DDX1: variants seen among roughly 807,000 people sequenced by gnomAD.
DDX1 encodes DEAD-box helicase 1.
DDX1 carries 28 observed loss-of-function variants against 108.7 expected under a neutral mutation model. The observed-to-expected ratio is 0.26, with a 90% CI of 0.19 to 0.35. The LOEUF is 0.35. Among genes scored for constraint, DDX1 ranks in the 10% least tolerant of loss-of-function variants. DDX1 has a pLI of 1.00. For missense variants in DDX1, 710 were observed against 884.5 expected (o/e 0.80, Z 2.50); for synonymous variants, 295 against 288.9 (o/e 1.02, Z -0.21).
intron 19 of DDX1, among the ~76,000 whole-genome samples, chr2:15,625,803 A>G (rs1420659468): frequency 6.6e-6 from 1 of 152,146 alleles, no homozygotes; most frequent in African/African-American, 2.4e-5. Flanking sequence ...TCAAGGAAAT[A>G]GAAAACTCAA....
At position 15,602,534 on chromosome 2, in the gene DDX1, C is replaced by A; in HGVS notation, c.308-14C>A. 1 of 1,607,582 alleles carries A rather than the reference C, an allele frequency of 6.2e-7. No individual in the cohort carries two copies. Among genetic ancestry groups the A allele is most frequent in the Non-Finnish European group, 8.5e-7 (1 of 1,174,204 alleles). On this transcript the variant is annotated splice_polypyrimidine_tract_variant and intron_variant, in intron 6 of 25. Transcript: ENST00000233084. ...GTACTGACGTGTTTTTCTGTGTTTTCTTCTCAAATCCAGCAATTGGGTCAG... is the reference window on the plus strand; with the variant it reads ...GTACTGACGTGTTTTTCTGTGTTTTATTCTCAAATCCAGCAATTGGGTCAG...
intron 3 of DDX1, among the ~76,000 whole-genome samples, chr2:15,595,837 T>C (rs1377574610): frequency 6.6e-6 from 1 of 152,178 alleles, no homozygotes; most frequent in African/African-American, 2.4e-5. Context: ...CCAGTTGTCC[T>C]TTTGCTTGAA....
intron 13 of DDX1, among the ~76,000 whole-genome samples, chr2:15,611,939 ACGAGGCGGC>A (rs1665773231): frequency 2.9e-5 from 3 of 102,242 alleles, no homozygotes; most frequent in East Asian, 3.5e-4. Flanking sequence ...TTCCTCCCGG[ACGAGGCGGC>A]TGGCCGGGCG....
chr2:15,594,095 G>GA (rs1382756053), intron 1 of DDX1, among the ~76,000 whole-genome samples: 4 of 150,810 alleles, frequency 2.7e-5, no homozygotes, highest in South Asian at 2.1e-4. Context: ...CAAAAGAAAA[G>GA]AAAAAAAAGA....
At chr2:15,606,323 C>T (rs1184813163) in intron 12 of DDX1, 59 bp downstream of exon 12, 4 of 1,267,190 alleles carry the variant, frequency 3.2e-6, no homozygotes, top group Non-Finnish European at 4.5e-6. Context: ...ATGAGAACTC[C>T]AGTAAGTAAG....
At position 15,602,595 on chromosome 2, in the gene DDX1, T is replaced by C; in HGVS notation, c.355T>C (p.Trp119Arg). The C allele has an allele frequency of 6.2e-7, 1 of 1,613,740 alleles. No individual in the cohort carries two copies. Among genetic ancestry groups the C allele is most frequent in the South Asian group, 1.1e-5 (1 of 91,074 alleles). The change falls in exon 7 of 26, where the codon TGG becomes CGG. Residue 119 changes from tryptophan (W) to arginine (R), a missense_variant. Coordinates refer to ENST00000233084, the MANE Select transcript of DDX1 (RefSeq NM_004939.3). ...TTGTCAAAGCAGAGAAGTAAAGGAA[T>C]GGCATGGGTGTAGAGCTACTAAAGG... ...LCCQSREVKE[W>R]HGCRATKGLM... is the part of the protein sequence containing the mutation.
intron 5 of DDX1, among the ~76,000 whole-genome samples, chr2:15,598,822 C>G (rs1308465530): frequency 6.6e-6 from 1 of 152,090 alleles, no homozygotes; most frequent in Non-Finnish European, 1.5e-5. Context: ...ATACATACAT[C>G]TTAACAAACT....
chr2:15,619,360 G>A (rs1052772431), intron 16 of DDX1, among the ~76,000 whole-genome samples: 25 of 152,186 alleles, frequency 1.6e-4, no homozygotes, highest in African/African-American at 6.0e-4. Flanking sequence ...GGAGACTCTG[G>A]GCCTGGGAGC....
intron 18 of DDX1, 33 bp from the exon 19 acceptor site, chr2:15,623,401 TTC>T (rs1458828750): frequency 1.2e-6 from 2 of 1,607,216 alleles, no homozygotes; most frequent in Admixed American, 1.7e-5. Flanking sequence ...CAGATTGAAA[TTC>T]TGTTGGTTTT....
At chr2:15,592,033 C>A (rs1665421595) in intron 1 of DDX1, 84 bp downstream of exon 1, 6 of 1,237,284 alleles carry the variant, frequency 4.8e-6, no homozygotes, top group Non-Finnish European at 6.4e-6. Context: ...GCTAAAGGGG[C>A]GGGAGCGGAC....
At chr2:15,615,215 A>G (rs1302363805) in intron 14 of DDX1, among the ~76,000 whole-genome samples, 5 of 152,168 alleles carry the variant, frequency 3.3e-5, no homozygotes, top group Admixed American at 3.3e-4. Flanking sequence ...TTAGTTTTCT[A>G]ATCTTTTAGT....
At chr2:15,612,814 G>T (rs555996010) in intron 13 of DDX1, among the ~76,000 whole-genome samples, 353 of 152,306 alleles carry the variant, frequency 2.3e-3, no homozygotes, top group Middle Eastern at 6.8e-3. Context: ...AGACCAGCCC[G>T]GCCAACACAG....
intron 16 of DDX1, among the ~76,000 whole-genome samples, chr2:15,619,105 G>A (rs1321795134): frequency 6.6e-6 from 1 of 152,160 alleles, no homozygotes; most frequent in African/African-American, 2.4e-5. Context: ...GCCTGCCCTG[G>A]CTCCCACCAC....
At position 15,605,992 on chromosome 2, in the gene DDX1, A is replaced by T. The variant is rs777276949; in HGVS notation, c.668A>T (p.Lys223Ile). The change falls in exon 11 of 26, where the codon AAA (lysine) becomes ATA (isoleucine). Residue 223 changes from lysine (K) to isoleucine (I), a missense_variant. Physicochemically the swap from Lys to Ile is moderately radical, Grantham distance 102 (BLOSUM62 -3). Around this residue, in one of 3 missense-constraint regions of DDX1, gnomAD observed 661 missense variants for 810.2 expected, o/e 0.82. Transcript: ENST00000233084. ...GCATTTGAAATACCACCACATATGA[A>T]AAACCAAGCCCTCTTTCCTGCCTGT... ...GLAFEIPPHM[K>I]NQALFPACVL... 3.2e-6 allele frequency: 5 copies of T among 1,585,944 alleles called. No homozygotes were observed. The highest frequency in any genetic ancestry group is 4.3e-6 in the Non-Finnish European group (5 of 1,170,846).
chr2:15,606,629 A>C (rs1665667012), intron 12 of DDX1, among the ~76,000 whole-genome samples: 1 of 152,262 alleles, frequency 6.6e-6, no homozygotes, highest in East Asian at 1.9e-4. Flanking sequence ...AGGGACTTTA[A>C]GTGATTTGCC....
In DDX1 at chr2:15,607,258, C is replaced by T. The variant is rs1271731310; in HGVS notation, c.901C>T (p.Gln301Ter). ...TGAACCTTCCCGGGAGTTAGCTGAACAAACTTTGAACAACATCAAGCAGTT... is the reference window on the plus strand; with the variant it reads ...TGAACCTTCCCGGGAGTTAGCTGAATAAACTTTGAACAACATCAAGCAGTT... ...IVEPSRELAE[Q>*]TLNNIKQFKK... Residue 301 changes from glutamine (Q) to a stop codon, truncating the protein, a stop_gained, in exon 13 of 26, where the codon CAA becomes TAA. Coordinates refer to ENST00000233084, the MANE Select transcript of DDX1 (RefSeq NM_004939.3). LOFTEE classifies it high-confidence loss of function. The T allele has an allele frequency of 6.2e-7, 1 of 1,613,198 alleles. No homozygotes were observed. The highest frequency in any genetic ancestry group is 1.7e-5 in the Admixed American group (1 of 59,988).
At chr2:15,622,175 A>G (rs1395202564) in intron 18 of DDX1, among the ~76,000 whole-genome samples, 1 of 152,226 alleles carries the variant, frequency 6.6e-6, no homozygotes, top group Non-Finnish European at 1.5e-5. Context: ...TAGAATATAC[A>G]TAACATAAAA....
chr2:15,630,151 T>C (rs745416183), intron 25 of DDX1, 41 bp downstream of exon 25: 4 of 1,604,318 alleles, frequency 2.5e-6, no homozygotes, highest in Non-Finnish European at 2.6e-6. Context: ...TAAATGTAAA[T>C]ATACCTGTTT....
In DDX1 at chr2:15,628,730, T is replaced by TC. The variant is rs773804428; in HGVS notation, c.1832+25dup. The TC allele has an allele frequency of 3.3e-6, 5 of 1,528,170 alleles. No individual in the cohort carries two copies. The South Asian group carries it at 5.8e-5, about 18-fold the overall frequency. The allele number at this position is 1,528,170 out of a possible 1,614,324, so 94.7% of individuals were successfully genotyped here. ...TGAAAGGTACTTCTGCAATTTTTTTTCCCCCATTTTTAAGCTTGTATGCTT... is the reference window on the plus strand; with the variant it reads ...TGAAAGGTACTTCTGCAATTTTTTTTCCCCCCATTTTTAAGCTTGTATGCTT... On this transcript the variant is annotated intron_variant, in intron 22 of 25. Coordinates refer to ENST00000233084, the MANE Select transcript of DDX1 (RefSeq NM_004939.3).
Sources: allele counts gnomAD v4.1 joint callset (sites outside exome capture counted in the v4.1 genomes callset), GRCh38; gene constraint gnomAD v4.1.1; regional missense constraint gnomAD v4.1.1; transcripts MANE v1.5; gene names NCBI Gene and HGNC (gene_info 2026-07-23, HGNC 2026-07-21).